The following DGLUCY variants were observed in gnomAD, a reference collection of about 807,000 sequenced individuals.
DGLUCY encodes D-glutamate cyclase.
Under a neutral mutation model 58.5 loss-of-function variants are expected in DGLUCY, and 58 were observed. The observed-to-expected ratio is 0.99, with a 90% CI of 0.80 to 1.23. The LOEUF is 1.23. Among genes scored for constraint, DGLUCY ranks in the 50% most tolerant of loss-of-function variants. DGLUCY has a pLI of 0.00. For missense variants in DGLUCY, 779 were observed against 784.7 expected, an observed-to-expected ratio of 0.99 and a Z score of 0.09; for synonymous variants, 325 against 314.1, an observed-to-expected ratio of 1.03 and a Z score of -0.37.
chr14:91,135,994 C>G (rs1412607468), intron 1 of DGLUCY, among the ~76,000 whole-genome samples: 2 of 121,588 alleles, frequency 1.6e-5, no homozygotes, highest in East Asian at 5.6e-4. Flanking sequence ...GAGTGCAGTG[C>G]TGCAATCTCG....
At chr14:91,123,135 C>T (rs74083970) in intron 1 of DGLUCY, among the ~76,000 whole-genome samples, 5,002 of 152,150 alleles carry the variant, frequency 0.033, 258 homozygotes, top group African/African-American at 0.11. Context: ...TTACTAGTGA[C>T]GGCCACCAGA....
chr14:91,085,394 G>A (rs116732939), intron 1 of DGLUCY, among the ~76,000 whole-genome samples: 77 of 151,862 alleles, frequency 5.1e-4, no homozygotes, highest in African/African-American at 1.7e-3. Context: ...GCTGTGCCAC[G>A]TTCTCCATAC....
At chr14:91,221,729 C>T (rs915295101) in intron 13 of DGLUCY, among the ~76,000 whole-genome samples, 8 of 152,086 alleles carry the variant, frequency 5.3e-5, no homozygotes, top group Admixed American at 3.3e-4. Context: ...TTCATTCACC[C>T]TACTATTCTT....
rs1190400381 is a variant in DGLUCY, at chr14:91,181,314, C to G, written c.859C>G (p.Leu287Val). ...GGTCCATCACATTTCCCAAGATCCTCTGCACTACAGCATCGCGTCAGTCTC... is the reference window on the plus strand; with the variant it reads ...GGTCCATCACATTTCCCAAGATCCTGTGCACTACAGCATCGCGTCAGTCTC... ...PEVHHISQDP[L>V]HYSIASVSAS... Residue 287 changes from leucine to valine, a missense_variant, in exon 8 of 14, where the codon CTG (leucine) becomes GTG (valine). Transcript: ENST00000256324. The G allele has an allele frequency of 6.2e-7, 1 of 1,614,224 alleles. No individual in the cohort carries two copies. Among genetic ancestry groups the G allele is most frequent in the South Asian group, 1.1e-5 (1 of 91,082 alleles).
intron 1 of DGLUCY, among the ~76,000 whole-genome samples, chr14:91,119,813 G>A (rs1325884085): frequency 6.6e-6 from 1 of 152,192 alleles, no homozygotes; most frequent in Non-Finnish European, 1.5e-5. Flanking sequence ...ACAAAAGCAG[G>A]CAGAGGAACA....
intron 1 of DGLUCY, among the ~76,000 whole-genome samples, chr14:91,131,145 T>G (rs993922432): frequency 6.6e-6 from 1 of 152,176 alleles, no homozygotes; most frequent in Admixed American, 6.5e-5. Context: ...AGACGAGGTT[T>G]TACCATGTTG....
At chr14:91,179,764 AT>A (rs1345673559) in intron 7 of DGLUCY, among the ~76,000 whole-genome samples, 2 of 151,622 alleles carry the variant, frequency 1.3e-5, no homozygotes, top group African/African-American at 2.4e-5. Flanking sequence ...AAAAAAAAAA[AT>A]ATATGCTTGT....
chr14:91,064,500 A>G (rs1034115921), intron 1 of DGLUCY, among the ~76,000 whole-genome samples: 4 of 151,878 alleles, frequency 2.6e-5, no homozygotes, highest in East Asian at 3.9e-4. Context: ...GTGCATGCCT[A>G]TAATCCAAGC....
At chr14:91,182,282 T>C (rs1212308010) in intron 8 of DGLUCY, among the ~76,000 whole-genome samples, 2 of 149,134 alleles carry the variant, frequency 1.3e-5, no homozygotes, top group South Asian at 2.1e-4. Flanking sequence ...TGTCCAGTAG[T>C]TTTTGGCTTT....
chr14:91,098,222 T>C (rs990102325), intron 1 of DGLUCY, among the ~76,000 whole-genome samples: 2 of 152,188 alleles, frequency 1.3e-5, no homozygotes, highest in African/African-American at 4.8e-5. Context: ...TTCAGAAGGC[T>C]GAGGCAGGAG....
In DGLUCY at chr14:91,158,028, C is replaced by T. The variant is rs114126389; in HGVS notation, c.-30+338C>T. Reference sequence around the variant, plus strand: ...TCCAGTGGGTTTGGGCAAATGAGGACGGTTATCAGAGGAGTGGCTGCTATT... The same window carrying T: ...TCCAGTGGGTTTGGGCAAATGAGGATGGTTATCAGAGGAGTGGCTGCTATT... On this transcript the variant is annotated intron_variant, in intron 2 of 13. Transcript: ENST00000256324. Among the ~76,000 whole-genome samples, 790 of 152,198 alleles carry T rather than the reference C, an allele frequency of 5.2e-3. 5 individuals are homozygous for T. Among genetic ancestry groups the T allele is most frequent in the Middle Eastern group, 0.017 (5 of 292 alleles).
At chr14:91,108,518 TGTGTGTGTGAGAGAGAGA>T (rs1421280744) in intron 1 of DGLUCY, among the ~76,000 whole-genome samples, 13 of 93,162 alleles carry the variant, frequency 1.4e-4, no homozygotes, top group African/African-American at 4.4e-4. Flanking sequence ...TGTGTGTGTG[TGTGTGTGTGAGAGAGAGA>T]GAGAGAGAGA....
intron 1 of DGLUCY, among the ~76,000 whole-genome samples, chr14:91,091,812 A>G (rs565839567): frequency 6.6e-6 from 1 of 152,252 alleles, no homozygotes; most frequent in Admixed American, 6.5e-5. Context: ...AACATACCCA[A>G]GTCCCCTGAA....
chr14:91,174,101 A>G (rs2048729949), intron 6 of DGLUCY, among the ~76,000 whole-genome samples: 1 of 151,958 alleles, frequency 6.6e-6, no homozygotes, highest in Non-Finnish European at 1.5e-5. Flanking sequence ...TGATGGTTTA[A>G]TCAATCATGC....
chr14:91,094,780 G>A (rs887925933), intron 1 of DGLUCY, among the ~76,000 whole-genome samples: 4 of 150,928 alleles, frequency 2.7e-5, no homozygotes, highest in South Asian at 2.1e-4. Flanking sequence ...CCAAGATCTC[G>A]CCATTGCACC....
intron 13 of DGLUCY, among the ~76,000 whole-genome samples, chr14:91,217,483 CTTT>C (rs11306803): frequency 0.15 from 18,552 of 123,048 alleles, 1,362 homozygotes; most frequent in Non-Finnish European, 0.19. Context: ...CCTTTTCTGT[CTTT>C]TTTTTTTTTT....
chr14:91,202,110 CTT>C (rs1412593680), intron 11 of DGLUCY, among the ~76,000 whole-genome samples: 1 of 106,452 alleles, frequency 9.4e-6, no homozygotes, highest in Non-Finnish European at 2.1e-5. Flanking sequence ...TTGCACAAAA[CTT>C]TGTACTTTTC....
At position 91,172,099 on chromosome 14, in the gene DGLUCY, G is replaced by T. The variant is rs1469303018; in HGVS notation, c.457-1190G>T. On this transcript the variant is annotated intron_variant, in intron 5 of 13. Coordinates refer to ENST00000256324, the MANE Select transcript of DGLUCY (RefSeq NM_001102368.3). ...TTTATTTTTATTTTTGACAGTTCTT[G>T]CTCAGTTGCCCAGGCTGGAGTGGTG... Among the ~76,000 whole-genome samples the T allele has an allele frequency of 2.0e-5, 3 of 151,802 alleles. No individual in the cohort carries two copies. The East Asian group carries it at 5.8e-4, about 29-fold the overall frequency.
At chr14:91,102,091 G>C (rs1168288957) in intron 1 of DGLUCY, among the ~76,000 whole-genome samples, 1 of 152,026 alleles carries the variant, frequency 6.6e-6, no homozygotes, top group African/African-American at 2.4e-5. Flanking sequence ...CAGTTACCTT[G>C]ATTTGACTAT....
Sources: gnomAD v4.1 joint callset for allele counts (sites outside exome capture counted in the v4.1 genomes callset) on GRCh38, gnomAD v4.1.1 for gene constraint, MANE v1.5 for transcripts, NCBI Gene and HGNC (gene_info 2026-07-23, HGNC 2026-07-21) for gene names.